The following RASSF3 variants were observed in gnomAD, a reference collection of about 807,000 sequenced individuals.
RASSF3 encodes the protein ras association domain-containing protein 3.
RASSF3 carries 19 observed loss-of-function variants against 19.9 expected under a neutral mutation model. The observed-to-expected ratio is 0.96, with a 90% CI of 0.67 to 1.40. RASSF3 has a LOEUF of 1.40. Ranked by LOEUF, RASSF3 falls within the 40% of genes most tolerant of loss-of-function variation. The pLI is 0.00. For missense variants in RASSF3, 306 were observed against 289.8 expected (o/e 1.06, Z -0.41); for synonymous variants, 110 against 104.2 (o/e 1.06, Z -0.34).
At chr12:64,537,348 C>T (rs1029017154) in intron 1 of RASSF3, among the ~76,000 whole-genome samples, 1 of 152,212 alleles carries the variant, frequency 6.6e-6, no homozygotes, top group African/African-American at 2.4e-5. Context: ...CTCTGTCTCA[C>T]AAACAGTAAG....
chr12:64,599,795 G>A (rs1565846565), intron 2 of RASSF3, among the ~76,000 whole-genome samples: 1 of 152,148 alleles, frequency 6.6e-6, no homozygotes, highest in Non-Finnish European at 1.5e-5. Context: ...CACTTTGGGA[G>A]GCTGAGGCGG....
intron 2 of RASSF3, among the ~76,000 whole-genome samples, chr12:64,603,021 C>T (rs939336067): frequency 1.3e-5 from 2 of 152,096 alleles, no homozygotes; most frequent in Non-Finnish European, 2.9e-5. Context: ...ATCGCTTGAA[C>T]CTGGGAGGCG....
Position 64,683,977 on chromosome 12 carries a change from C to T in RASSF3, c.112-810C>T, listed in dbSNP as rs184901774. ...GAAGGTAAGAGAGAAAGAGAAGCAG[C>T]GAGGGAGAGAAGGAGAGAGAGAGAG... On this transcript the variant is annotated intron_variant, in intron 1 of 4. Coordinates refer to ENST00000542104, the MANE Select transcript of RASSF3 (RefSeq NM_178169.4). Among the ~76,000 whole-genome samples the T allele has an allele frequency of 3.5e-4, 47 of 135,512 alleles. 2 individuals carry two copies. The East Asian group carries it at 8.7e-3, about 25-fold the overall frequency. 88.9% of individuals were successfully genotyped at this position (135,512 alleles called of 152,430 possible). A position where few individuals can be genotyped will look rare whatever the true frequency, so the allele number is the denominator to read the frequency against.
intron 2 of RASSF3, among the ~76,000 whole-genome samples, chr12:64,602,093 G>A (rs1870102330): frequency 6.6e-6 from 1 of 151,212 alleles, no homozygotes. Flanking sequence ...CTCCAGCCTG[G>A]GTGACAGAGC....
At chr12:64,688,571 C>G (rs940644082) in intron 3 of RASSF3, 118 bp downstream of exon 3, 1 of 753,346 alleles carries the variant, frequency 1.3e-6, no homozygotes, top group African/African-American at 1.7e-5. Flanking sequence ...GCCTGGAGTC[C>G]GATGCTGGAA....
chr12:64,568,244 G>T (rs550469367), intron 2 of RASSF3, among the ~76,000 whole-genome samples: 1 of 152,080 alleles, frequency 6.6e-6, no homozygotes, highest in East Asian at 1.9e-4. Context: ...TGTTGGCCAG[G>T]CTAGTCTTGA....
chr12:64,593,148 C>T (rs1869949927), intron 2 of RASSF3, among the ~76,000 whole-genome samples: 1 of 152,164 alleles, frequency 6.6e-6, no homozygotes, highest in African/African-American at 2.4e-5. Context: ...GTGTAACCCA[C>T]CATGACCACA....
intron 1 of RASSF3, among the ~76,000 whole-genome samples, chr12:64,629,200 C>A (rs1240732262): frequency 6.6e-6 from 1 of 151,678 alleles, no homozygotes; most frequent in African/African-American, 2.4e-5. Flanking sequence ...CCTATGGGTT[C>A]AAGCAATCCT....
At chr12:64,574,192 T>C (rs1360073794) in intron 2 of RASSF3, among the ~76,000 whole-genome samples, 2 of 150,988 alleles carry the variant, frequency 1.3e-5, no homozygotes, top group Non-Finnish European at 2.9e-5. Context: ...GGGCTTGTAG[T>C]CCCAGCTACT....
chr12:64,647,445 C>T (rs1007571626), intron 1 of RASSF3, among the ~76,000 whole-genome samples: 1 of 149,894 alleles, frequency 6.7e-6, no homozygotes, highest in Non-Finnish European at 1.5e-5. Context: ...GGGTCTTGCA[C>T]TGTTGCCCAG....
chr12:64,579,115 A>G (rs1869643907), intron 2 of RASSF3, among the ~76,000 whole-genome samples: 1 of 151,082 alleles, frequency 6.6e-6, no homozygotes, highest in Non-Finnish European at 1.5e-5. Flanking sequence ...CAACAAGAGC[A>G]AAACTCTGTC....
At chr12:64,520,508 G>A (rs1376473614) in intron 1 of RASSF3, among the ~76,000 whole-genome samples, 6 of 149,190 alleles carry the variant, frequency 4.0e-5, no homozygotes, top group Admixed American at 6.7e-5. Context: ...GTGTGTGAGT[G>A]TGCGTGCATA....
chr12:64,561,588 A>G (rs879795439), intron 2 of RASSF3, among the ~76,000 whole-genome samples: 2 of 152,146 alleles, frequency 1.3e-5, no homozygotes, highest in Non-Finnish European at 2.9e-5. Flanking sequence ...GTCAAAATGA[A>G]TATCCAAACA....
intron 2 of RASSF3, 117 bp downstream of exon 2, chr12:64,685,011 A>G (rs1873294611): frequency 1.5e-6 from 1 of 649,650 alleles, no homozygotes; most frequent in Non-Finnish European, 2.7e-6. Flanking sequence ...GTAGTAGTCA[A>G]GGTATACAGA....
At chr12:64,596,515 C>A (rs114010105) in intron 2 of RASSF3, among the ~76,000 whole-genome samples, 9 of 152,272 alleles carry the variant, frequency 5.9e-5, no homozygotes, top group Admixed American at 3.3e-4. Flanking sequence ...CAGTGCCCAA[C>A]AAGTGCTCAT....
chr12:64,651,345 G>A (rs915270829), intron 1 of RASSF3, among the ~76,000 whole-genome samples: 1 of 152,038 alleles, frequency 6.6e-6, no homozygotes, highest in Non-Finnish European at 1.5e-5. Context: ...TATTTTTAAG[G>A]TTGCCCACTT....
intron 2 of RASSF3, among the ~76,000 whole-genome samples, chr12:64,555,471 C>T (rs10878197): frequency 0.29 from 44,741 of 152,026 alleles, 8,360 homozygotes; most frequent in Non-Finnish European, 0.42. Context: ...CTCTACCGGC[C>T]GGGCACGGTG....
intron 2 of RASSF3, among the ~76,000 whole-genome samples, chr12:64,582,557 G>A (rs1184375501): frequency 1.3e-5 from 2 of 152,312 alleles, no homozygotes; most frequent in East Asian, 3.9e-4. Context: ...AGTCTCGTCA[G>A]TTACAATCCA....
chr12:64,663,469 T>C (rs893218625), intron 1 of RASSF3, among the ~76,000 whole-genome samples: 2 of 152,078 alleles, frequency 1.3e-5, no homozygotes, highest in African/African-American at 2.4e-5. Context: ...GGGAAAAATA[T>C]ACATATCAGG....
Sources: gnomAD v4.1 joint callset for allele counts (sites outside exome capture counted in the v4.1 genomes callset) on GRCh38, gnomAD v4.1.1 for gene constraint, MANE v1.5 for transcripts, NCBI Gene and HGNC (gene_info 2026-07-23, HGNC 2026-07-21) for gene names.